FLT1: variants seen among roughly 807,000 people sequenced by gnomAD.
FLT1 encodes the protein vascular endothelial growth factor receptor 1.
A neutral mutation model predicts 156.3 loss-of-function variants in FLT1; 49 were observed. That is an observed-to-expected ratio of 0.31 (90% CI 0.25 to 0.40). The LOEUF is 0.40. Among genes scored for constraint, FLT1 ranks in the 10% least tolerant of loss-of-function variants. The probability of loss-of-function intolerance (pLI) is 1.00; values close to 1 mark genes in which losing one functional copy is unlikely to be tolerated. For synonymous variants in FLT1, 594 were observed against 583.8 expected (o/e 1.02, Z -0.25); for missense variants, 1,322 against 1,637.2 (o/e 0.81, Z 3.32).
intron 13 of FLT1, chr13:28,387,627 G>C: frequency 9.4e-7 from 1 of 1,064,962 alleles, no homozygotes; most frequent in South Asian, 4.6e-5. Flanking sequence ...CCTCCGTTTG[G>C]AATGGGGACT....
At chr13:28,483,103 T>C (rs951946689) in intron 1 of FLT1, among the ~76,000 whole-genome samples, 3 of 152,170 alleles carry the variant, frequency 2.0e-5, no homozygotes, top group Admixed American at 2.0e-4. Context: ...TCTGAAGCCA[T>C]AAAAATTTTC....
At chr13:28,480,213 C>T (rs1414596619) in intron 1 of FLT1, among the ~76,000 whole-genome samples, 1 of 152,208 alleles carries the variant, frequency 6.6e-6, no homozygotes, top group East Asian at 1.9e-4. Flanking sequence ...TATATGACCC[C>T]TTTCTCTCAC....
chr13:28,416,285 G>A (rs1876642520), intron 10 of FLT1, among the ~76,000 whole-genome samples: 1 of 152,194 alleles, frequency 6.6e-6, no homozygotes, highest in South Asian at 2.1e-4. Flanking sequence ...TCTAAACTAT[G>A]TTGCATCTCT....
At chr13:28,306,056 C>T (rs1188390206) in intron 29 of FLT1, among the ~76,000 whole-genome samples, 1 of 152,196 alleles carries the variant, frequency 6.6e-6, no homozygotes, top group Non-Finnish European at 1.5e-5. Flanking sequence ...TTTCCCAGTC[C>T]AGCACCATTG....
intron 8 of FLT1, 43 bp downstream of exon 8, chr13:28,430,007 C>A (rs762210399): frequency 1.5e-5 from 20 of 1,307,290 alleles, no homozygotes; most frequent in Non-Finnish European, 2.1e-5. Context: ...TTCCCACTTA[C>A]AAAGTATGTC....
intron 27 of FLT1, 121 bp from the exon 28 acceptor site, chr13:28,309,048 A>C: frequency 1.5e-6 from 1 of 679,930 alleles, no homozygotes; most frequent in Non-Finnish European, 2.7e-6. Context: ...GAATCACCTA[A>C]CTCCTGAGGC....
At chr13:28,372,736 G>A (rs1298142197) in intron 14 of FLT1, among the ~76,000 whole-genome samples, 2 of 151,196 alleles carry the variant, frequency 1.3e-5, no homozygotes, top group African/African-American at 2.4e-5. Context: ...ACAAAAGTTA[G>A]CTGGGCATGG....
chr13:28,377,570 C>T (rs974619265), intron 14 of FLT1, among the ~76,000 whole-genome samples: 1 of 152,216 alleles, frequency 6.6e-6, no homozygotes, highest in Admixed American at 6.5e-5. Flanking sequence ...CACTTAATTA[C>T]TCTAGATTTT....
chr13:28,332,614 A>G (rs1871973815), intron 18 of FLT1, among the ~76,000 whole-genome samples: 1 of 152,110 alleles, frequency 6.6e-6, no homozygotes, highest in Non-Finnish European at 1.5e-5. Flanking sequence ...ACTGGTATGG[A>G]GGAAAGAGCA....
chr13:28,379,581 G>A (rs1281580299), intron 14 of FLT1, among the ~76,000 whole-genome samples: 3 of 152,166 alleles, frequency 2.0e-5, no homozygotes, highest in Non-Finnish European at 4.4e-5. Context: ...TTGGGCACGC[G>A]CAGCAGACAG....
chr13:28,334,331 T>G (rs1240596051), intron 17 of FLT1, among the ~76,000 whole-genome samples: 1 of 152,178 alleles, frequency 6.6e-6, no homozygotes, highest in Non-Finnish European at 1.5e-5. Flanking sequence ...AGGCCCCACA[T>G]CCTTCAAAGA....
At chr13:28,381,844 C>G (rs1047805072) in intron 14 of FLT1, among the ~76,000 whole-genome samples, 2 of 152,138 alleles carry the variant, frequency 1.3e-5, no homozygotes, top group African/African-American at 4.8e-5. Context: ...CATGCCAAAT[C>G]GAGGCTTTTG....
At chr13:28,370,594 T>C (rs549596774) in intron 14 of FLT1, among the ~76,000 whole-genome samples, 1 of 152,374 alleles carries the variant, frequency 6.6e-6, no homozygotes, top group African/African-American at 2.4e-5. Flanking sequence ...AGCATCTTTG[T>C]GCGCTTTCAC....
At chr13:28,400,555 T>C (rs1338703049) in intron 11 of FLT1, among the ~76,000 whole-genome samples, 1 of 152,114 alleles carries the variant, frequency 6.6e-6, no homozygotes, top group Non-Finnish European at 1.5e-5. Flanking sequence ...CAGGTGCAAA[T>C]TGTAGATCAG....
intron 10 of FLT1, among the ~76,000 whole-genome samples, chr13:28,410,079 A>T (rs1357234600): frequency 6.6e-6 from 1 of 152,206 alleles, no homozygotes; most frequent in Non-Finnish European, 1.5e-5. Context: ...CCAACACTCA[A>T]TGAAGTATAA....
At chr13:28,447,162 AATATAAT>A (rs200621624) in intron 3 of FLT1, among the ~76,000 whole-genome samples, 17,275 of 91,466 alleles carry the variant, frequency 0.19, 1,266 homozygotes, top group Admixed American at 0.33. Flanking sequence ...ATAGTTATAT[AATATAAT>A]ATATAATATA....
At chr13:28,412,332 T>TCTTTCTCTC (rs376788111) in intron 10 of FLT1, among the ~76,000 whole-genome samples, 1 of 54,166 alleles carries the variant, frequency 1.8e-5, no homozygotes, top group African/African-American at 6.2e-5. Flanking sequence ...TTTCTTTCTT[T>TCTTTCTCTC]TCTTTCTTTC....
At chr13:28,343,711 TG>T (rs1363358646) in intron 16 of FLT1, among the ~76,000 whole-genome samples, 1 of 151,492 alleles carries the variant, frequency 6.6e-6, no homozygotes, top group Non-Finnish European at 1.5e-5. Flanking sequence ...GGTGTGATCT[TG>T]GCTTACTGCA....
chr13:28,466,720 T>C, intron 3 of FLT1, 183 bp downstream of exon 3: 1 of 687,878 alleles, frequency 1.5e-6, no homozygotes, highest in Middle Eastern at 3.4e-4. Flanking sequence ...AGTGACTAAC[T>C]GGGCCTTGAC....
Sources: allele counts gnomAD v4.1 joint callset (sites outside exome capture counted in the v4.1 genomes callset), GRCh38; gene constraint gnomAD v4.1.1; transcripts MANE v1.5; gene names NCBI Gene and HGNC (gene_info 2026-07-23, HGNC 2026-07-21).